Variants in AARSD1 observed in about 807,000 individuals in gnomAD.
AARSD1 encodes the protein alanyl-tRNA editing protein Aarsd1.
A neutral mutation model predicts 48.7 loss-of-function variants in AARSD1; 44 were observed. The observed-to-expected ratio is 0.90, with a 90% CI of 0.71 to 1.16. The LOEUF is 1.16. Ranked by LOEUF, AARSD1 falls within the 50% of genes most tolerant of loss-of-function variation. AARSD1 has a pLI of 0.00. For missense variants in AARSD1, 511 were observed against 523.1 expected (o/e 0.98, Z 0.23); for synonymous variants, 189 against 194.9 (o/e 0.97, Z 0.25).
intron 2 of AARSD1, among the ~76,000 whole-genome samples, chr17:42,961,773 G>A (rs2049640464): frequency 6.6e-6 from 1 of 152,102 alleles, no homozygotes; most frequent in African/African-American, 2.4e-5. Flanking sequence ...GCTTATTCCT[G>A]TAATCCCACC....
Position 42,956,538 on chromosome 17 carries a change from C to T in AARSD1, c.412G>A (p.Ala138Thr), listed in dbSNP as rs1390668310. The T allele has an allele frequency of 1.2e-6, 2 of 1,613,312 alleles. No homozygotes were observed. Among genetic ancestry groups the T allele is most frequent in the Non-Finnish European group, 1.7e-6 (2 of 1,179,684 alleles). The stretch of plus-strand genomic sequence containing the variant: ...ATAGAGGGGGTGTCCAGCTCAATCG[C>T]ACTCCGAAATCTCCCTAACTCCCTG... ...TSWELGRFRSAIELDTPSMTA... is the reference protein window; with the variant it reads ...TSWELGRFRSTIELDTPSMTA... The change falls in exon 5 of 12, where the codon GCG (alanine) becomes ACG (threonine). Residue 138 changes from alanine (A) to threonine (T), a missense_variant. Ala to Thr is a moderately conservative substitution (Grantham distance 58). Coordinates refer to ENST00000427569, the MANE Select transcript of AARSD1 (RefSeq NM_001261434.2).
Position 42,961,162 on chromosome 17 carries a change from C to T in AARSD1, c.331+30G>A, listed in dbSNP as rs779052790. On this transcript the variant is annotated intron_variant, in intron 3 of 11. Transcript: ENST00000427569. ...GCATCCCCATACATGGCAACTGCTC[C>T]GGTGTTATGTCCCCCATCCCAGCCT... 2.2e-5 allele frequency: 35 copies of T among 1,590,580 alleles called. No homozygotes were observed. In the African/African-American group the frequency reaches 3.2e-4, roughly 15 times the overall value.
intron 7 of AARSD1, 63 bp downstream of exon 7, chr17:42,955,779 G>A (rs2053123558): frequency 6.2e-7 from 1 of 1,606,102 alleles, no homozygotes; most frequent in South Asian, 1.1e-5. Flanking sequence ...TCTCCCAGAG[G>A]TAAGAGATTA....
chr17:42,957,153 A>T lies in AARSD1; in HGVS notation c.374T>A (p.Leu125Gln), dbSNP rs2049568745. Reference protein sequence around the residue: ...ITAVADHLFKLKTTSWELGRF... With the variant: ...ITAVADHLFKQKTTSWELGRF... ...TCCCACTCACCATGATGTTGTCTTC[A>T]GCTTAAATAGATGGTCAGCAACTGC... The change falls in exon 4 of 12, where the codon CTG (leucine) becomes CAG (glutamine). Residue 125 changes from leucine (L) to glutamine (Q), a missense_variant. Leu to Gln is a moderately radical substitution (Grantham distance 113). Transcript: ENST00000427569. The T allele has an allele frequency of 6.2e-7, 1 of 1,613,448 alleles. No homozygotes were observed. The highest frequency in any genetic ancestry group is 1.3e-5 in the African/African-American group (1 of 74,826).
chr17:42,957,324 T>C, intron 3 of AARSD1, 129 bp from the exon 4 acceptor site: 1 of 1,132,290 alleles, frequency 8.8e-7, no homozygotes, highest in South Asian at 1.6e-5. Context: ...CACTGGGTAA[T>C]ACACTTTAGA....
At chr17:42,956,126 T>C in intron 6 of AARSD1, 78 bp downstream of exon 6, 1 of 1,610,928 alleles carries the variant, frequency 6.2e-7, no homozygotes, top group Non-Finnish European at 8.5e-7. Flanking sequence ...ATTATCCCCC[T>C]CTCCCACTCC....
In AARSD1 at chr17:42,955,890, C is replaced by T. The variant is rs184752097; in HGVS notation, c.746G>A (p.Trp249Ter). 9.9e-6 allele frequency: 16 copies of T among 1,614,140 alleles called. No homozygotes were observed. The Admixed American group carries it at 2.5e-4, about 25-fold the overall frequency. ...TTCAGTTCCATGACTTCTCTCCATC[C>T]ACTTCAGCACCCGGTTCCCAGACAG... ...IFLSGNRVLK[W>*]MERSHGTEKA... The change falls in exon 7 of 12, where the codon TGG (tryptophan) becomes TAG (stop). Residue 249 changes from tryptophan to a stop codon, truncating the protein, a stop_gained. Transcript: ENST00000427569. LOFTEE classifies it high-confidence loss of function.
chr17:42,954,654 C>G (rs1040395263), intron 9 of AARSD1, among the ~76,000 whole-genome samples: 3 of 152,000 alleles, frequency 2.0e-5, no homozygotes, highest in South Asian at 2.1e-4. Context: ...AGGCTGGTTT[C>G]GAACTCCTGA....
chr17:42,953,318 G>A (rs1010081252), intron 10 of AARSD1, among the ~76,000 whole-genome samples: 4 of 151,994 alleles, frequency 2.6e-5, no homozygotes, highest in African/African-American at 9.7e-5. Flanking sequence ...GTTTCACCAT[G>A]TTGGCTAGGC....
intron 3 of AARSD1, among the ~76,000 whole-genome samples, chr17:42,958,445 T>C (rs957789996): frequency 1.3e-5 from 2 of 151,478 alleles, no homozygotes; most frequent in African/African-American, 4.9e-5. Context: ...TGAGCCAAGA[T>C]TGCACCACGG....
intron 11 of AARSD1, 88 bp from the exon 12 acceptor site, chr17:42,950,816 G>A: frequency 2.0e-6 from 3 of 1,519,572 alleles, no homozygotes; most frequent in Non-Finnish European, 1.8e-6. Flanking sequence ...TCCAGGGACT[G>A]GGAGAGGGAT....
chr17:42,954,461 T>C (rs558586824), intron 9 of AARSD1, among the ~76,000 whole-genome samples: 125 of 151,320 alleles, frequency 8.3e-4, no homozygotes, highest in Admixed American at 2.8e-3. Flanking sequence ...TGAGATGGGG[T>C]CTCACTCTGT....
chr17:42,956,966 C>CTTTTT (rs55786826), intron 4 of AARSD1, among the ~76,000 whole-genome samples, 172 bp downstream of exon 4: 3 of 118,584 alleles, frequency 2.5e-5, no homozygotes, highest in South Asian at 2.8e-4. Context: ...TGCGCCTGGC[C>CTTTTT]TTTTTTTTTT....
rs1322801528 is a variant in AARSD1 at position 42,955,942 on chromosome 17, TC to T, written c.693del (p.Lys233ArgfsTer6). Reference sequence around the variant, plus strand: ...AATATCAGGTTGGTTCTGTTCTTTTTCCCCTTCTCAGTGCCCAGAATCTTAA... The same window carrying T: ...AATATCAGGTTGGTTCTGTTCTTTTTCCCTTCTCAGTGCCCAGAATCTTAA... ...QVIKILGTEKGKKNRTNLIFL... is the reference protein window; with the variant it reads ...QVIKILGTEKXKKNRTNLIFL... On this transcript the variant is annotated frameshift_variant, in exon 7 of 12. Transcript: ENST00000427569. LOFTEE classifies it high-confidence loss of function. 4.3e-6 allele frequency: 7 copies of T among 1,613,982 alleles called. No homozygotes were observed. The Admixed American group carries it at 1.0e-4, about 23-fold the overall frequency.
At chr17:42,952,989 TTC>T (rs1263790317) in intron 10 of AARSD1, among the ~76,000 whole-genome samples, 6 of 152,086 alleles carry the variant, frequency 3.9e-5, no homozygotes, top group Admixed American at 3.3e-4. Flanking sequence ...AATTTTTGTC[TTC>T]TGTTTTGAGA....
intron 11 of AARSD1, among the ~76,000 whole-genome samples, chr17:42,951,074 C>G (rs1225850594): frequency 6.6e-6 from 1 of 152,172 alleles, no homozygotes; most frequent in Non-Finnish European, 1.5e-5. Context: ...AGGAGAATTG[C>G]TTGAACCCGG....
intron 7 of AARSD1, 98 bp downstream of exon 7, chr17:42,955,744 C>A (rs774235743): frequency 6.6e-5 from 103 of 1,569,890 alleles, no homozygotes; most frequent in Non-Finnish European, 8.6e-5. Context: ...CCTGGCCGCA[C>A]TTTATCATTT....
At chr17:42,950,769 AGTC>A in intron 11 of AARSD1, 41 bp from the exon 12 acceptor site, 2 of 1,575,482 alleles carry the variant, frequency 1.3e-6, no homozygotes, top group East Asian at 2.3e-5. Flanking sequence ...TTGAGGGAAA[AGTC>A]ACAAAAAAAA....
chr17:42,960,452 T>TG (rs891006409), intron 3 of AARSD1, among the ~76,000 whole-genome samples: 6 of 151,340 alleles, frequency 4.0e-5, no homozygotes, highest in South Asian at 2.1e-4. Flanking sequence ...ACCAACATGC[T>TG]GGGGGGGTGT....
Sources: gnomAD v4.1 joint callset for allele counts (sites outside exome capture counted in the v4.1 genomes callset) on GRCh38, gnomAD v4.1.1 for gene constraint, MANE v1.5 for transcripts, NCBI Gene and HGNC (gene_info 2026-07-23, HGNC 2026-07-21) for gene names.